PRKN: variants seen among roughly 807,000 people sequenced by gnomAD.
PRKN encodes the protein parkin RBR E3 ubiquitin protein ligase.
Under a neutral mutation model 59.5 loss-of-function variants are expected in PRKN, and 56 were observed. That is an observed-to-expected ratio of 0.94 (90% CI 0.76 to 1.18). The LOEUF (loss-of-function observed/expected upper bound fraction) is 1.18. Ranked by LOEUF, PRKN falls within the 50% of genes most tolerant of loss-of-function variation. PRKN has a pLI of 0.00. For missense variants in PRKN, 657 were observed against 596.4 expected (o/e 1.10, Z -1.06); for synonymous variants, 250 against 222.1 (o/e 1.13, Z -1.12).
chr6:162,099,346 C>A (rs2128298576), intron 4 of PRKN, among the ~76,000 whole-genome samples: 1 of 152,266 alleles, frequency 6.6e-6, no homozygotes, highest in Admixed American at 6.5e-5. Flanking sequence ...CTTGTAATTT[C>A]TTTTTAACAT....
intron 1 of PRKN, among the ~76,000 whole-genome samples, chr6:162,575,744 T>C (rs965187328): frequency 6.6e-6 from 1 of 152,192 alleles, no homozygotes; most frequent in African/African-American, 2.4e-5. Context: ...ACACAGGCTA[T>C]AGGTCTCACT....
intron 7 of PRKN, among the ~76,000 whole-genome samples, chr6:161,590,963 T>C (rs539345082): frequency 2.8e-4 from 42 of 152,308 alleles, no homozygotes; most frequent in Non-Finnish European, 2.1e-4. Flanking sequence ...GTACTGAGGA[T>C]AAATTTTGAA....
rs1554245457 is a variant in PRKN at position 161,902,560 on chromosome 6, A to ATCTAT, written c.734+70741_734+70742insATAGA. Among the ~76,000 whole-genome samples the ATCTAT allele has an allele frequency of 2.9e-3, 358 of 125,296 alleles. 37 individuals are homozygous for ATCTAT. The highest frequency in any genetic ancestry group is 0.011 in the African/African-American group (332 of 31,516). The allele number at this position is 125,296 out of a possible 152,430, so 82.2% of individuals were successfully genotyped here. A position where few individuals can be genotyped will look rare whatever the true frequency, so the allele number is the denominator to read the frequency against. ...TATCTATCTATCTATTTATTTATTT[A>ATCTAT]TTTATTTTTTTTTTTTTGCGACAGA... On this transcript the variant is annotated intron_variant, in intron 6 of 11. Coordinates refer to ENST00000366898, the MANE Select transcript of PRKN (RefSeq NM_004562.3).
At chr6:161,839,003 G>A (rs563612858) in intron 6 of PRKN, among the ~76,000 whole-genome samples, 26 of 152,278 alleles carry the variant, frequency 1.7e-4, no homozygotes, top group Admixed American at 1.6e-3. Context: ...GAGGAGGAGG[G>A]ACTGGGCGAG....
At chr6:161,827,052 T>C (rs1407851639) in intron 6 of PRKN, among the ~76,000 whole-genome samples, 8 of 152,168 alleles carry the variant, frequency 5.3e-5, no homozygotes, top group Admixed American at 5.2e-4. Flanking sequence ...GACTATGACA[T>C]ATATAAAATG....
intron 1 of PRKN, among the ~76,000 whole-genome samples, chr6:162,554,627 A>G (rs912602769): frequency 2.7e-5 from 4 of 147,720 alleles, no homozygotes; most frequent in African/African-American, 9.9e-5. Context: ...GACAGTGGCA[A>G]CACGGGGTGG....
rs182390071 is a variant in PRKN at position 162,214,574 on chromosome 6, A to T, written c.413-13322T>A. 1.3e-3 allele frequency among the ~76,000 whole-genome samples: 203 copies of T among 152,334 alleles called. 1 individual carries two copies. Among genetic ancestry groups the T allele is most frequent in the Non-Finnish European group, 2.3e-3 (154 of 68,022 alleles). On this transcript the variant is annotated intron_variant, in intron 3 of 11. Coordinates refer to ENST00000366898, the MANE Select transcript of PRKN (RefSeq NM_004562.3). ...GGGCAACACAGGTCTAAGGGAATGA[A>T]TTCCTTCTTAACACAGATTGAAGGT...
chr6:161,878,526 A>C (rs2128228882), intron 6 of PRKN, among the ~76,000 whole-genome samples: 1 of 152,286 alleles, frequency 6.6e-6, no homozygotes, highest in East Asian at 1.9e-4. Flanking sequence ...CTCATGCAAC[A>C]CTGAGTGAGA....
chr6:162,693,694 T>C (rs115606307), intron 1 of PRKN, among the ~76,000 whole-genome samples: 2,935 of 152,314 alleles, frequency 0.019, 90 homozygotes, highest in African/African-American at 0.067. Context: ...AATATTCAAA[T>C]TATCCATCTT....
At chr6:162,380,396 GC>G (rs1786366883) in intron 2 of PRKN, among the ~76,000 whole-genome samples, 2 of 74,406 alleles carry the variant, frequency 2.7e-5, no homozygotes, top group African/African-American at 1.6e-4. Context: ...ATAGTTTAAA[GC>G]TATATATATA....
intron 7 of PRKN, among the ~76,000 whole-genome samples, chr6:161,744,742 G>T (rs1272074035): frequency 6.6e-6 from 1 of 152,152 alleles, no homozygotes; most frequent in Non-Finnish European, 1.5e-5. Context: ...TTAACGTTTT[G>T]TCAAGTGACT....
At chr6:162,228,421 C>T (rs1778280847) in intron 3 of PRKN, among the ~76,000 whole-genome samples, 1 of 152,124 alleles carries the variant, frequency 6.6e-6, no homozygotes, top group Non-Finnish European at 1.5e-5. Flanking sequence ...TCTCCACCTT[C>T]AAAAATGACA....
At chr6:161,358,956 G>A (rs561150165) in intron 11 of PRKN, among the ~76,000 whole-genome samples, 13 of 151,734 alleles carry the variant, frequency 8.6e-5, no homozygotes, top group African/African-American at 2.2e-4. Flanking sequence ...CACCACACCC[G>A]GCTAATTTTT....
In PRKN at chr6:161,567,606, T is replaced by C. The variant is rs139014333; in HGVS notation, c.933+1749A>G. On this transcript the variant is annotated intron_variant, in intron 8 of 11. Transcript: ENST00000366898. Reference sequence around the variant, plus strand: ...GCGCGTGTGTTTGCGTTTTAGGAAATAGAGATCAATATTGCTCTGATGCAC... The same window carrying C: ...GCGCGTGTGTTTGCGTTTTAGGAAACAGAGATCAATATTGCTCTGATGCAC... Among the ~76,000 whole-genome samples the C allele has an allele frequency of 7.4e-4, 113 of 152,212 alleles. 2 individuals are homozygous for C. In the East Asian group the frequency reaches 0.017, roughly 23 times the overall value.
In PRKN at chr6:161,350,151, C is replaced by T; in HGVS notation, c.1346G>A (p.Cys449Tyr). 6.2e-7 allele frequency: 1 copy of T among 1,613,558 alleles called. No individual in the cohort carries two copies. The highest frequency in any genetic ancestry group is 8.5e-7 in the Non-Finnish European group (1 of 1,179,976). Residue 449 changes from cysteine to tyrosine, a missense_variant, in exon 12 of 12, where the codon TGT (cysteine) becomes TAT (tyrosine). By Grantham distance (194) the Cys-to-Tyr change is radical. Coordinates refer to ENST00000366898, the MANE Select transcript of PRKN (RefSeq NM_004562.3). The stretch of plus-strand genomic sequence containing the variant: ...GCAGACGCGGTTCCACTCGCAGCCA[C>T]AGTTCCAGCACCACTCGAGCCTGCA... ...PQCRLEWCWN[C>Y]GCEWNRVCMG... is the part of the protein sequence containing the mutation.
chr6:161,733,783 A>AAAT (rs35360887), intron 7 of PRKN, among the ~76,000 whole-genome samples: 8 of 86,220 alleles, frequency 9.3e-5, no homozygotes, highest in African/African-American at 3.5e-4. Context: ...AAAAAAAAAA[A>AAAT]ATATATATAT....
chr6:161,361,777 G>A lies in PRKN; in HGVS notation c.1168-1572C>T, dbSNP rs529372407. ...TAGAATAACGTGGAGTCAGCTGCTC[G>A]GAGGCAACGGTAGGTCAATGAGTGC... is the stretch of plus-strand genomic sequence containing the variant. On this transcript the variant is annotated intron_variant, in intron 10 of 11. Coordinates refer to ENST00000366898, the MANE Select transcript of PRKN (RefSeq NM_004562.3). The surrounding 1 kb of genome is among the most constrained non-coding windows in gnomAD (Gnocchi z 5.2). Among the ~76,000 whole-genome samples, 4 of 152,308 alleles carry A rather than the reference G, an allele frequency of 2.6e-5. No individual in the cohort carries two copies. The highest frequency in any genetic ancestry group is 1.3e-4 in the Admixed American group (2 of 15,296).
intron 6 of PRKN, among the ~76,000 whole-genome samples, chr6:161,969,213 G>T (rs573245324): frequency 6.6e-6 from 1 of 151,164 alleles, no homozygotes; most frequent in East Asian, 1.9e-4. Flanking sequence ...TATTCTTAGA[G>T]CCAAGGCATG....
At chr6:162,245,980 T>C (rs1336649660) in intron 3 of PRKN, among the ~76,000 whole-genome samples, 2 of 152,196 alleles carry the variant, frequency 1.3e-5, no homozygotes, top group Non-Finnish European at 2.9e-5. Flanking sequence ...TCTGGACTAA[T>C]ACATTTTTGT....
Sources: allele counts gnomAD v4.1 joint callset (sites outside exome capture counted in the v4.1 genomes callset), GRCh38; gene constraint gnomAD v4.1.1; non-coding constraint Gnocchi (gnomAD v3.1); transcripts MANE v1.5; gene names NCBI Gene and HGNC (gene_info 2026-07-23, HGNC 2026-07-21).